The following ERC1 variants were observed in gnomAD, a reference collection of about 807,000 sequenced individuals.
ERC1 encodes the protein RAB6 interacting protein 2.
ERC1 carries 56 observed loss-of-function variants against 132.0 expected under a neutral mutation model. The observed-to-expected ratio is 0.42, with a 90% CI of 0.34 to 0.53. The LOEUF (loss-of-function observed/expected upper bound fraction) is 0.53. ERC1 is among the 20% of genes least tolerant of loss of function. The pLI is 0.03. For synonymous variants in ERC1, 478 were observed against 476.1 expected, an observed-to-expected ratio of 1.00 and a Z score of -0.05; for missense variants, 1,202 against 1,349.9, an observed-to-expected ratio of 0.89 and a Z score of 1.72.
intron 18 of ERC1, among the ~76,000 whole-genome samples, chr12:1,452,740 T>A (rs1305919496): frequency 6.6e-6 from 1 of 152,204 alleles, no homozygotes; most frequent in Non-Finnish European, 1.5e-5. Context: ...TTTTATTAAA[T>A]GTTAAATAGT....
At chr12:1,242,290 T>C (rs1280433575) in intron 13 of ERC1, among the ~76,000 whole-genome samples, 3 of 152,226 alleles carry the variant, frequency 2.0e-5, no homozygotes, top group African/African-American at 4.8e-5. Flanking sequence ...TGTTAAATTA[T>C]ACTAATAACT....
intron 8 of ERC1, among the ~76,000 whole-genome samples, chr12:1,142,840 A>G (rs1266587473): frequency 6.6e-6 from 1 of 152,160 alleles, no homozygotes; most frequent in Non-Finnish European, 1.5e-5. Context: ...ATTTGTAGAA[A>G]TCTCTTCCCA....
chr12:1,418,744 T>C (rs2092302575), intron 17 of ERC1, among the ~76,000 whole-genome samples: 1 of 148,370 alleles, frequency 6.7e-6, no homozygotes, highest in Admixed American at 6.8e-5. Context: ...AGGATCTCTC[T>C]CTCTGTCGCT....
chr12:1,467,916 A>G (rs1205323047), intron 18 of ERC1, among the ~76,000 whole-genome samples: 1 of 152,236 alleles, frequency 6.6e-6, no homozygotes, highest in East Asian at 1.9e-4. Context: ...TGATCTGACA[A>G]GAGACGGAAC....
At chr12:1,020,303 A>T (rs1023901236) in intron 1 of ERC1, among the ~76,000 whole-genome samples, 8 of 152,128 alleles carry the variant, frequency 5.3e-5, no homozygotes, top group African/African-American at 9.7e-5. Flanking sequence ...CTAAAAATAC[A>T]GAAATTAGCA....
rs924818905 is a variant in ERC1 at position 1,195,878 on chromosome 12, C to G, written c.2351+5826C>G. 1.5e-5 allele frequency among the ~76,000 whole-genome samples: 2 copies of G among 134,830 alleles called. 1 individual carries two copies. Among genetic ancestry groups the G allele is most frequent in the Non-Finnish European group, 3.1e-5 (2 of 63,818 alleles). The allele number at this position is 134,830 out of a possible 152,430, so 88.5% of individuals were successfully genotyped here. On this transcript the variant is annotated intron_variant, in intron 12 of 18. Transcript: ENST00000360905. ...ATATAATTATGTACTTATTTCCGCC[C>G]CCCCCCCCCTTTTTTTGTAATGGAA...
chr12:1,222,497 G>A (rs530413916), intron 12 of ERC1, among the ~76,000 whole-genome samples: 202 of 152,146 alleles, frequency 1.3e-3, no homozygotes, highest in African/African-American at 4.6e-3. Context: ...TTACAGGCGT[G>A]AGCCACCACA....
Position 1,083,330 on chromosome 12 carries a change from A to C in ERC1, c.836A>C (p.Lys279Thr), listed in dbSNP as rs1942500803. 6.2e-7 allele frequency: 1 copy of C among 1,614,068 alleles called. No individual in the cohort carries two copies. Among genetic ancestry groups the C allele is most frequent in the East Asian group, 2.2e-5 (1 of 44,892 alleles). Reference sequence around the variant, plus strand: ...CATGCTGAGCATGAGCGGCAGGCCAAAGAGCTGTTTCTTCTTCGAAAGACA... The same window carrying C: ...CATGCTGAGCATGAGCGGCAGGCCACAGAGCTGTTTCTTCTTCGAAAGACA... ...RLHAEHERQA[K>T]ELFLLRKTLE... Residue 279 changes from lysine to threonine, a missense_variant, in exon 3 of 19, where the codon AAA (lysine) becomes ACA (threonine). Physicochemically the swap from Lys to Thr is moderately conservative, Grantham distance 78 (BLOSUM62 -1). Coordinates refer to ENST00000360905, the MANE Select transcript of ERC1 (RefSeq NM_178040.4).
intron 2 of ERC1, among the ~76,000 whole-genome samples, chr12:1,078,778 T>C (rs1418465657): frequency 5.9e-5 from 9 of 152,040 alleles, no homozygotes; most frequent in African/African-American, 2.2e-4. Flanking sequence ...TCACAAAAGT[T>C]GATATACAAA....
intron 8 of ERC1, among the ~76,000 whole-genome samples, chr12:1,154,684 C>T (rs963376468): frequency 6.6e-6 from 1 of 151,486 alleles, no homozygotes; most frequent in African/African-American, 2.4e-5. Flanking sequence ...TATTAATATC[C>T]ACAGTCTACA....
At chr12:1,205,948 G>T (rs61914328) in intron 12 of ERC1, among the ~76,000 whole-genome samples, 2 of 151,824 alleles carry the variant, frequency 1.3e-5, no homozygotes, top group East Asian at 3.9e-4. Flanking sequence ...GAATTTGACC[G>T]TGAAGCCATT....
chr12:1,085,014 G>A (rs12310177), intron 3 of ERC1, among the ~76,000 whole-genome samples: 26,528 of 32,810 alleles, frequency 0.81, 11,660 homozygotes, highest in East Asian at 1. Flanking sequence ...TATTATTATT[G>A]TTGTTGTTGT....
At chr12:1,024,837 AAG>A (rs1288232023) in intron 1 of ERC1, among the ~76,000 whole-genome samples, 1 of 150,388 alleles carries the variant, frequency 6.6e-6, no homozygotes, top group Non-Finnish European at 1.5e-5. Context: ...TTGAAAAAAA[AAG>A]TGGAAAAAAA....
chr12:1,425,388 G>C (rs2092604145), intron 17 of ERC1, among the ~76,000 whole-genome samples: 1 of 152,142 alleles, frequency 6.6e-6, no homozygotes, highest in South Asian at 2.1e-4. Flanking sequence ...ACTTGTAGAA[G>C]CTCTTGACAA....
chr12:1,428,631 G>A (rs996610421), intron 17 of ERC1, among the ~76,000 whole-genome samples: 1 of 152,262 alleles, frequency 6.6e-6, no homozygotes, highest in Admixed American at 6.5e-5. Context: ...GAGTTACGTT[G>A]TGGAGGATAT....
chr12:1,436,689 G>A (rs888312127), intron 17 of ERC1, among the ~76,000 whole-genome samples: 1 of 152,212 alleles, frequency 6.6e-6, no homozygotes, highest in Non-Finnish European at 1.5e-5. Flanking sequence ...AGGCCTCAGA[G>A]GGTCAGAAGA....
chr12:1,408,348 A>T, intron 17 of ERC1, 101 bp downstream of exon 17: 2 of 705,034 alleles, frequency 2.8e-6, no homozygotes, highest in Non-Finnish European at 4.7e-6. Context: ...AAGTTAGAAG[A>T]ATAAAAATAA....
chr12:1,459,427 AAAATAG>A (rs1338168070), intron 18 of ERC1, among the ~76,000 whole-genome samples: 3 of 152,238 alleles, frequency 2.0e-5, no homozygotes, highest in Non-Finnish European at 4.4e-5. Flanking sequence ...TCTATTGAAT[AAAATAG>A]AAATCTTTGA....
chr12:1,206,599 CT>C (rs887662532), intron 12 of ERC1, among the ~76,000 whole-genome samples: 1 of 152,042 alleles, frequency 6.6e-6, no homozygotes, highest in African/African-American at 2.4e-5. Flanking sequence ...ACATACACAT[CT>C]TTTTATTTCC....
Sources: gnomAD v4.1 joint callset for allele counts (sites outside exome capture counted in the v4.1 genomes callset) on GRCh38, gnomAD v4.1.1 for gene constraint, MANE v1.5 for transcripts, NCBI Gene and HGNC (gene_info 2026-07-23, HGNC 2026-07-21) for gene names.